ADGRL2: variants seen among roughly 807,000 people sequenced by gnomAD.
The protein encoded by ADGRL2 is adhesion G protein-coupled receptor L2.
A neutral mutation model predicts 157.4 loss-of-function variants in ADGRL2; 44 were observed. That is an observed-to-expected ratio of 0.28 (90% confidence interval 0.22 to 0.36). ADGRL2 has a LOEUF of 0.36. ADGRL2 is among the 10% of genes least tolerant of loss of function. The probability of loss-of-function intolerance (pLI) is 1.00; values close to 1 mark genes in which losing one functional copy is unlikely to be tolerated. For missense variants in ADGRL2, 1,510 were observed against 1,768.9 expected (o/e 0.85, Z 2.63); for synonymous variants, 585 against 624.7 (o/e 0.94, Z 0.95).
intron 2 of ADGRL2, among the ~76,000 whole-genome samples, chr1:81,861,669 A>G (rs1183884761): frequency 6.6e-6 from 1 of 152,130 alleles, no homozygotes; most frequent in Admixed American, 6.6e-5. Context: ...CAGGTGGATC[A>G]CTTGAGGTCA....
chr1:81,603,285 G>A (rs976483232), intron 3 of ADGRL2, among the ~76,000 whole-genome samples: 4 of 151,896 alleles, frequency 2.6e-5, no homozygotes, highest in Admixed American at 2.6e-4. Flanking sequence ...GTACTTTATT[G>A]TACTTTCCTT....
intron 1 of ADGRL2, among the ~76,000 whole-genome samples, chr1:81,340,415 G>C (rs1004736365): frequency 1.3e-5 from 2 of 152,104 alleles, no homozygotes; most frequent in Admixed American, 6.6e-5. Context: ...GTCCACATCA[G>C]TGCTTCCGGT....
chr1:81,629,905 T>G lies in ADGRL2; in HGVS notation c.-143+48925T>G, dbSNP rs191352384. ...CATGTCCAGCCTAATTTTTTATTAA[T>G]CCTTTATACTAAATCATAATGTAAA... On this transcript the variant is annotated intron_variant, in intron 3 of 24. Transcript: ENST00000370721. Among the ~76,000 whole-genome samples the G allele has an allele frequency of 1.1e-4, 17 of 152,050 alleles. No homozygotes were observed. In the East Asian group the frequency reaches 3.3e-3, roughly 29 times the overall value.
At chr1:81,579,466 A>T (rs1375697157) in intron 2 of ADGRL2, 1 of 152,196 alleles carries the variant, frequency 6.6e-6, no homozygotes, top group Non-Finnish European at 1.5e-5. Flanking sequence ...CTCCATGCCC[A>T]ATAATAATGA....
At chr1:81,397,465 G>A (rs757579640) in intron 1 of ADGRL2, among the ~76,000 whole-genome samples, 37 of 151,628 alleles carry the variant, frequency 2.4e-4, no homozygotes, top group Middle Eastern at 3.4e-3. Flanking sequence ...GACTAGAGGC[G>A]CCCGCCACCA....
At chr1:81,872,340 A>G (rs1175468749) in intron 2 of ADGRL2, among the ~76,000 whole-genome samples, 1 of 152,094 alleles carries the variant, frequency 6.6e-6, no homozygotes, top group African/African-American at 2.4e-5. Flanking sequence ...GTAGCCTTGT[A>G]GTGTGGTTTG....
intron 1 of ADGRL2, among the ~76,000 whole-genome samples, chr1:81,716,471 A>G (rs1044734179): frequency 6.6e-6 from 1 of 152,156 alleles, no homozygotes; most frequent in Non-Finnish European, 1.5e-5. Flanking sequence ...TAAAAATATA[A>G]TTTTATTCTC....
At chr1:81,921,274 A>T (rs1437382264) in intron 3 of ADGRL2, among the ~76,000 whole-genome samples, 2 of 152,340 alleles carry the variant, frequency 1.3e-5, no homozygotes, top group African/African-American at 4.8e-5. Flanking sequence ...TTTAAGTATT[A>T]TAATACTTTT....
intron 1 of ADGRL2, among the ~76,000 whole-genome samples, chr1:81,726,671 C>G (rs1312670128): frequency 6.6e-6 from 1 of 152,176 alleles, no homozygotes; most frequent in Non-Finnish European, 1.5e-5. Flanking sequence ...AAAAGTAGCA[C>G]ATGTTCACTA....
chr1:81,426,251 G>A (rs1247724922), intron 1 of ADGRL2, among the ~76,000 whole-genome samples: 4 of 152,108 alleles, frequency 2.6e-5, no homozygotes, highest in African/African-American at 9.7e-5. Flanking sequence ...CCAGGTATAG[G>A]GCAAGACACC....
chr1:81,740,738 T>C (rs1228655036), intron 1 of ADGRL2, among the ~76,000 whole-genome samples: 2 of 152,178 alleles, frequency 1.3e-5, no homozygotes, highest in Non-Finnish European at 2.9e-5. Context: ...CTTTCTCCTC[T>C]ACATTATCTC....
At chr1:81,390,846 TC>T (rs2076534816) in intron 1 of ADGRL2, among the ~76,000 whole-genome samples, 1 of 152,306 alleles carries the variant, frequency 6.6e-6, no homozygotes, top group Non-Finnish European at 1.5e-5. Flanking sequence ...CATTATGTTT[TC>T]ATAACCTGTT....
At chr1:81,480,250 C>T (rs1385907325) in intron 2 of ADGRL2, among the ~76,000 whole-genome samples, 2 of 152,146 alleles carry the variant, frequency 1.3e-5, no homozygotes, top group Non-Finnish European at 2.9e-5. Flanking sequence ...CTGGTTTTAT[C>T]ATTTATAATA....
chr1:81,335,420 T>C (rs752958533), intron 1 of ADGRL2, among the ~76,000 whole-genome samples: 5 of 152,214 alleles, frequency 3.3e-5, no homozygotes, highest in Non-Finnish European at 7.4e-5. Context: ...TACACTATTT[T>C]CATTCATTAG....
At chr1:81,800,643 G>C (rs1239346893), upstream of ADGRL2, 2 of 151,922 alleles carry the variant, frequency 1.3e-5, no homozygotes, top group South Asian at 2.1e-4. Context: ...CGCGCTTCGC[G>C]GCGCTCTCCC....
At chr1:81,547,570 T>C (rs2080048910) in intron 2 of ADGRL2, among the ~76,000 whole-genome samples, 1 of 152,252 alleles carries the variant, frequency 6.6e-6, no homozygotes, top group Non-Finnish European at 1.5e-5. Context: ...TTATTTCATT[T>C]AAGACTCTCG....
rs150863616 is a variant in ADGRL2 at position 81,363,070 on chromosome 1, T to C, written c.-302+56561T>C. Among the ~76,000 whole-genome samples, 6 of 152,228 alleles carry C rather than the reference T, an allele frequency of 3.9e-5. No individual in the cohort carries two copies. The East Asian group carries it at 9.6e-4, about 24-fold the overall frequency. On this transcript the variant is annotated intron_variant, in intron 1 of 24. Transcript: ENST00000370721. Reference sequence around the variant, plus strand: ...TATATGTATGTATACACTTACTATCTATGTTGATATACTGGTAGATATTTA... The same window carrying C: ...TATATGTATGTATACACTTACTATCCATGTTGATATACTGGTAGATATTTA...
chr1:81,812,480 A>T (rs906007762), intron 1 of ADGRL2, among the ~76,000 whole-genome samples: 1 of 151,588 alleles, frequency 6.6e-6, no homozygotes, highest in Non-Finnish European at 1.5e-5. Context: ...TATATTTTTG[A>T]TTAAAAATAA....
intron 3 of ADGRL2, among the ~76,000 whole-genome samples, chr1:81,931,161 AAAC>A (rs2095222707): frequency 6.6e-6 from 1 of 152,004 alleles, no homozygotes; most frequent in Non-Finnish European, 1.5e-5. Context: ...AAAAACCAAA[AAAC>A]AAATAAACAA....
Sources: allele counts gnomAD v4.1 joint callset (sites outside exome capture counted in the v4.1 genomes callset), GRCh38; gene constraint gnomAD v4.1.1; transcripts MANE v1.5; gene names NCBI Gene and HGNC (gene_info 2026-07-23, HGNC 2026-07-21).